PIK3C3: variants seen among roughly 807,000 people sequenced by gnomAD.
The protein encoded by PIK3C3 is phosphatidylinositol 3-kinase catalytic subunit type 3.
Under a neutral mutation model 126.1 loss-of-function variants are expected in PIK3C3, and 95 were observed. The observed-to-expected ratio is 0.75, with a 90% CI of 0.64 to 0.89. PIK3C3 has a LOEUF of 0.89. Ranked by LOEUF, PIK3C3 falls within the 40% of genes least tolerant of loss-of-function variation. PIK3C3 has a pLI of 0.00. For missense variants in PIK3C3, 829 were observed against 1,063.2 expected, an observed-to-expected ratio of 0.78 and a Z score of 3.06; for synonymous variants, 374 against 360.0, an observed-to-expected ratio of 1.04 and a Z score of -0.44.
chr18:42,018,800 C>T (rs756430750), intron 12 of PIK3C3, among the ~76,000 whole-genome samples: 1 of 152,066 alleles, frequency 6.6e-6, no homozygotes, highest in Non-Finnish European at 1.5e-5. Flanking sequence ...GTTCCCCTGG[C>T]AAAAATCTCA....
intron 3 of PIK3C3, among the ~76,000 whole-genome samples, chr18:41,963,886 A>G (rs1980224827): frequency 6.6e-6 from 1 of 151,300 alleles, no homozygotes; most frequent in Non-Finnish European, 1.5e-5. Flanking sequence ...TTGTAGATGA[A>G]TGGAATTAGC....
In PIK3C3 at chr18:42,037,777, G is replaced by A; in HGVS notation, c.1925G>A (p.Arg642His). ...ATATTTAAGCATGGAGATGATTTAC[G>A]TCAAGATCAACTTATTCTTCAAATC... is the stretch of plus-strand genomic sequence containing the variant. ...PVIFKHGDDL[R>H]QDQLILQIIS... The change falls in exon 17 of 25, where the codon CGT becomes CAT. Residue 642 changes from arginine (R) to histidine (H), a missense_variant. Coordinates refer to ENST00000262039, the MANE Select transcript of PIK3C3 (RefSeq NM_002647.4). The A allele has an allele frequency of 1.9e-6, 3 of 1,611,932 alleles. No homozygotes were observed. Among genetic ancestry groups the A allele is most frequent in the Non-Finnish European group, 2.5e-6 (3 of 1,178,420 alleles).
intron 24 of PIK3C3, among the ~76,000 whole-genome samples, chr18:42,068,154 G>C (rs1486191272): frequency 2.6e-5 from 4 of 152,110 alleles, no homozygotes; most frequent in Admixed American, 2.6e-4. Flanking sequence ...CTTAAAGCTT[G>C]TCTGCTTTGA....
chr18:41,990,880 A>G (rs144006577), intron 6 of PIK3C3, among the ~76,000 whole-genome samples: 3 of 152,214 alleles, frequency 2.0e-5, no homozygotes, highest in Admixed American at 2.0e-4. Context: ...TTAAAAAATG[A>G]AAGGGGGAAA....
At chr18:42,074,653 G>T (rs1047071392) in intron 24 of PIK3C3, among the ~76,000 whole-genome samples, 3 of 152,060 alleles carry the variant, frequency 2.0e-5, no homozygotes, top group Non-Finnish European at 1.5e-5. Flanking sequence ...TTAAATATAA[G>T]TACAGATCTT....
At chr18:41,964,585 G>A (rs1173062381) in intron 3 of PIK3C3, among the ~76,000 whole-genome samples, 1 of 151,660 alleles carries the variant, frequency 6.6e-6, no homozygotes, top group African/African-American at 2.4e-5. Context: ...ATCCTTCCTG[G>A]GCTATTCTGT....
At chr18:41,957,076 G>T (rs745680190) in intron 1 of PIK3C3, among the ~76,000 whole-genome samples, 21 of 152,148 alleles carry the variant, frequency 1.4e-4, no homozygotes, top group Non-Finnish European at 2.5e-4. Context: ...GCAGTTAAAA[G>T]TAAATTTTTT....
chr18:41,981,528 T>C (rs1054866847), intron 4 of PIK3C3, among the ~76,000 whole-genome samples: 3 of 152,210 alleles, frequency 2.0e-5, no homozygotes, highest in African/African-American at 7.2e-5. Context: ...TAGAAGAAAC[T>C]TCTATGCTTG....
intron 13 of PIK3C3, among the ~76,000 whole-genome samples, chr18:42,021,919 A>G (rs1983340971): frequency 6.6e-6 from 1 of 152,212 alleles, no homozygotes. Flanking sequence ...CATTTTGGCT[A>G]AGAAATGCTG....
chr18:42,077,387 T>A (rs1317879017), intron 24 of PIK3C3, among the ~76,000 whole-genome samples: 1 of 152,230 alleles, frequency 6.6e-6, no homozygotes, highest in Admixed American at 6.5e-5. Flanking sequence ...AGAGTAGAAC[T>A]TTTTGCAGAA....
chr18:42,057,048 A>G (rs1169768892), intron 21 of PIK3C3, among the ~76,000 whole-genome samples: 1 of 144,018 alleles, frequency 6.9e-6, no homozygotes, highest in Non-Finnish European at 1.5e-5. Flanking sequence ...GTTTCTTTTA[A>G]TAGAAATGAA....
At chr18:42,047,832 C>T (rs868379664) in intron 20 of PIK3C3, among the ~76,000 whole-genome samples, 8 of 152,200 alleles carry the variant, frequency 5.3e-5, no homozygotes, top group Non-Finnish European at 8.8e-5. Context: ...GATAGTGATA[C>T]TGCCAGTCTG....
In PIK3C3 at chr18:42,040,135, A is replaced by G. The variant is rs530276815; in HGVS notation, c.2039-542A>G. Among the ~76,000 whole-genome samples the G allele has an allele frequency of 9.3e-5, 13 of 140,346 alleles. No homozygotes were observed. In the East Asian group the frequency reaches 2.6e-3, roughly 28 times the overall value. The allele number at this position is 140,346 out of a possible 152,430, so 92.1% of individuals were successfully genotyped here. On this transcript the variant is annotated intron_variant, in intron 18 of 24. Transcript: ENST00000262039. ...CAGACTGACTTTTTCTCCTTCTTCCACATACTGTCTGTCCCCTTTCCTTTT... is the reference window on the plus strand; with the variant it reads ...CAGACTGACTTTTTCTCCTTCTTCCGCATACTGTCTGTCCCCTTTCCTTTT...
chr18:42,054,051 T>C (rs1053091655), intron 21 of PIK3C3, among the ~76,000 whole-genome samples: 14 of 147,620 alleles, frequency 9.5e-5, no homozygotes, highest in African/African-American at 3.2e-4. Flanking sequence ...GTTATTCTTA[T>C]TTTTATCTTA....
At chr18:42,041,992 G>A (rs1445553417) in intron 19 of PIK3C3, among the ~76,000 whole-genome samples, 1 of 152,186 alleles carries the variant, frequency 6.6e-6, no homozygotes, top group East Asian at 1.9e-4. Flanking sequence ...CAGGAGATTG[G>A]TCATTGGCTT....
intron 24 of PIK3C3, among the ~76,000 whole-genome samples, chr18:42,079,977 GTGTGTGTA>G (rs1321134119): frequency 7.4e-6 from 1 of 135,834 alleles, no homozygotes; most frequent in Non-Finnish European, 1.6e-5. Context: ...GTGTGTGTGT[GTGTGTGTA>G]TGTAAGAGAG....
chr18:41,970,605 C>T (rs983204962), intron 4 of PIK3C3, 149 bp downstream of exon 4: 1 of 739,194 alleles, frequency 1.4e-6, no homozygotes, highest in African/African-American at 1.7e-5. Flanking sequence ...ATTCACATAC[C>T]ATAAAGTTCA....
intron 13 of PIK3C3, chr18:42,025,238 C>T (rs1246987006): frequency 6.6e-6 from 1 of 152,180 alleles, no homozygotes; most frequent in Non-Finnish European, 1.5e-5. Context: ...AATAAGTTTG[C>T]TGCATAAACA....
At chr18:42,076,211 C>CAT (rs1262353098) in intron 24 of PIK3C3, among the ~76,000 whole-genome samples, 17 of 135,110 alleles carry the variant, frequency 1.3e-4, no homozygotes, top group Admixed American at 2.2e-4. Context: ...TATATATGCA[C>CAT]ATATATATAT....
Sources: gnomAD v4.1 joint callset for allele counts (sites outside exome capture counted in the v4.1 genomes callset) on GRCh38, gnomAD v4.1.1 for gene constraint, MANE v1.5 for transcripts, NCBI Gene and HGNC (gene_info 2026-07-23, HGNC 2026-07-21) for gene names.